Variants in POT1 observed in about 807,000 individuals in gnomAD.
The protein encoded by POT1 is protection of telomeres 1, also known as protection of telomeres protein 1.
In POT1, 47 loss-of-function variants were observed where a neutral mutation model predicts 78.5. That is an observed-to-expected ratio of 0.60 (90% CI 0.47 to 0.76). The LOEUF is 0.76. POT1 is among the 30% of genes least tolerant of loss of function. The pLI is 0.00. For missense variants in POT1, 646 were observed against 749.9 expected (o/e 0.86, Z 1.62); for synonymous variants, 259 against 260.7 (o/e 0.99, Z 0.06).
chr7:124,840,879 T>C (rs983235745), intron 14 of POT1, 94 bp downstream of exon 14: 1 of 969,296 alleles, frequency 1.0e-6, no homozygotes, highest in Non-Finnish European at 1.6e-6. Flanking sequence ...ACTTTATATG[T>C]ACTAGGTTGT....
At chr7:124,925,149 A>G (rs187257112) in intron 2 of POT1, among the ~76,000 whole-genome samples, 52 of 152,238 alleles carry the variant, frequency 3.4e-4, no homozygotes, top group African/African-American at 1.2e-3. Context: ...AAAGGCATCC[A>G]AATTGGGAAA....
chr7:124,836,651 A>G (rs1794906799), intron 14 of POT1, among the ~76,000 whole-genome samples: 2 of 152,200 alleles, frequency 1.3e-5, no homozygotes, highest in Non-Finnish European at 2.9e-5. Context: ...CAGTCACACG[A>G]GTTTGGCTCT....
chr7:124,858,728 A>T (rs879802395), intron 9 of POT1: 1 of 295,938 alleles, frequency 3.4e-6, no homozygotes, highest in Non-Finnish European at 6.1e-6. Flanking sequence ...AATTATGTAT[A>T]CCTTTAAGAC....
chr7:124,921,961 G>A (rs1186236654), intron 2 of POT1, among the ~76,000 whole-genome samples: 1 of 151,856 alleles, frequency 6.6e-6, no homozygotes, highest in East Asian at 1.9e-4. Flanking sequence ...ACCCACAGAG[G>A]AGAAATTCAA....
intron 14 of POT1, among the ~76,000 whole-genome samples, chr7:124,837,716 C>T (rs1271243214): frequency 1.3e-5 from 2 of 151,942 alleles, no homozygotes; most frequent in Non-Finnish European, 2.9e-5. Context: ...TCTTATGAGG[C>T]CAGCAATATT....
intron 7 of POT1, among the ~76,000 whole-genome samples, chr7:124,868,879 T>G (rs1795797453): frequency 6.6e-6 from 1 of 151,658 alleles, no homozygotes; most frequent in Non-Finnish European, 1.5e-5. Flanking sequence ...ATTTAAGAAT[T>G]ATTTATAAAC....
intron 3 of POT1, among the ~76,000 whole-genome samples, chr7:124,904,904 G>C (rs988189721): frequency 6.6e-6 from 1 of 152,150 alleles, no homozygotes; most frequent in Non-Finnish European, 1.5e-5. Context: ...TTGCTTCAAA[G>C]AGAATAAAAT....
chr7:124,889,321 G>A (rs1383928742), intron 6 of POT1, among the ~76,000 whole-genome samples: 1 of 152,046 alleles, frequency 6.6e-6, no homozygotes, highest in African/African-American at 2.4e-5. Context: ...CAAGAGAGGT[G>A]GGAAGGCTAG....
chr7:124,848,603 C>A, intron 11 of POT1: 1 of 194,380 alleles, frequency 5.1e-6, no homozygotes, highest in South Asian at 6.7e-5. Context: ...GTGGAGGCTG[C>A]AATGAGCCGA....
chr7:124,901,349 T>C (rs1796614521), intron 3 of POT1, among the ~76,000 whole-genome samples: 1 of 152,206 alleles, frequency 6.6e-6, no homozygotes, highest in Non-Finnish European at 1.5e-5. Context: ...CAATATTTGC[T>C]GTTCTGCAGC....
At chr7:124,854,000 G>A (rs1211331296) in intron 9 of POT1, among the ~76,000 whole-genome samples, 1 of 151,966 alleles carries the variant, frequency 6.6e-6, no homozygotes, top group Non-Finnish European at 1.5e-5. Flanking sequence ...TATAAATATA[G>A]CACTCCTGAC....
intron 6 of POT1, among the ~76,000 whole-genome samples, chr7:124,891,152 T>C (rs762297460): frequency 6.6e-6 from 1 of 151,800 alleles, no homozygotes; most frequent in East Asian, 1.9e-4. Flanking sequence ...GCTGTCTATT[T>C]CTCCCTTCAC....
intron 9 of POT1, among the ~76,000 whole-genome samples, chr7:124,857,609 G>C (rs1489896700): frequency 3.3e-5 from 5 of 152,170 alleles, no homozygotes. Flanking sequence ...CAGAGGGACA[G>C]CTTGATGGTG....
At chr7:124,869,599 T>C (rs1055483908) in intron 7 of POT1, among the ~76,000 whole-genome samples, 4 of 152,230 alleles carry the variant, frequency 2.6e-5, no homozygotes, top group African/African-American at 9.6e-5. Context: ...TTATTTATTT[T>C]TGAGTCAGAG....
chr7:124,907,473 T>C (rs927144980), intron 3 of POT1, among the ~76,000 whole-genome samples: 6 of 147,546 alleles, frequency 4.1e-5, no homozygotes, highest in African/African-American at 4.9e-5. Context: ...TGTATGATTC[T>C]ACCTAAAAGA....
intron 6 of POT1, among the ~76,000 whole-genome samples, chr7:124,871,458 T>C (rs1336571106): frequency 6.6e-6 from 1 of 152,044 alleles, no homozygotes; most frequent in Non-Finnish European, 1.5e-5. Context: ...CCATACTGCA[T>C]AAAGAATTTA....
chr7:124,842,606 GA>G (rs559084308), intron 13 of POT1, among the ~76,000 whole-genome samples, 200 bp downstream of exon 13: 108 of 151,934 alleles, frequency 7.1e-4, no homozygotes, highest in African/African-American at 2.5e-3. Context: ...TTTTAGATCT[GA>G]AAATAGCACC....
intron 5 of POT1, among the ~76,000 whole-genome samples, chr7:124,896,008 A>G (rs1360908665): frequency 6.6e-6 from 1 of 151,452 alleles, no homozygotes; most frequent in African/African-American, 2.4e-5. Context: ...AAAAACAAAT[A>G]CTCTATTTTC....
intron 3 of POT1, among the ~76,000 whole-genome samples, chr7:124,911,886 CA>C (rs1352245597): frequency 1.3e-5 from 2 of 151,990 alleles, no homozygotes; most frequent in Admixed American, 6.6e-5. Context: ...TTATTTAAAC[CA>C]CCACAATTTC....
Sources: gnomAD v4.1 joint callset for allele counts (sites outside exome capture counted in the v4.1 genomes callset) on GRCh38, gnomAD v4.1.1 for gene constraint, MANE v1.5 for transcripts, NCBI Gene and HGNC (gene_info 2026-07-23, HGNC 2026-07-21) for gene names.